FNIP1: variants seen among roughly 807,000 people sequenced by gnomAD.
The protein encoded by FNIP1 is folliculin interacting protein 1.
Under a neutral mutation model 124.5 loss-of-function variants are expected in FNIP1, and 40 were observed. The observed-to-expected ratio is 0.32, with a 90% CI of 0.25 to 0.42. FNIP1 has a LOEUF of 0.42. FNIP1 is among the 10% of genes least tolerant of loss of function. The probability of loss-of-function intolerance (pLI) is 1.00; values close to 1 mark genes in which losing one functional copy is unlikely to be tolerated. For synonymous variants in FNIP1, 472 were observed against 470.6 expected (o/e 1.00, Z -0.04); for missense variants, 1,176 against 1,403.7 (o/e 0.84, Z 2.59).
At chr5:131,734,944 C>A (rs1770236735) in intron 2 of FNIP1, among the ~76,000 whole-genome samples, 1 of 152,192 alleles carries the variant, frequency 6.6e-6, no homozygotes, top group African/African-American at 2.4e-5. Flanking sequence ...TTTGACCTAG[C>A]AATCCCATTA....
chr5:131,796,524 C>G (rs1772601392), intron 1 of FNIP1: 1 of 416,724 alleles, frequency 2.4e-6, no homozygotes, highest in Non-Finnish European at 4.3e-6. Context: ...CGTGTGGACC[C>G]AAAGTCTCAG....
In FNIP1 at chr5:131,713,851, C is replaced by A. The variant is rs529322802; in HGVS notation, c.622+2714G>T. 2.0e-5 allele frequency among the ~76,000 whole-genome samples: 3 copies of A among 152,292 alleles called. No homozygotes were observed. The South Asian group carries it at 6.2e-4, about 32-fold the overall frequency. On this transcript the variant is annotated intron_variant, in intron 6 of 17. Coordinates refer to ENST00000510461, the MANE Select transcript of FNIP1 (RefSeq NM_133372.3). ...ACTGACACTAATTTACTGTAGGTAA[C>A]ATTATCTGTCATTTGGAGTAACATG...
At chr5:131,713,348 G>A (rs953357286) in intron 6 of FNIP1, among the ~76,000 whole-genome samples, 5 of 152,042 alleles carry the variant, frequency 3.3e-5, no homozygotes, top group Admixed American at 6.6e-5. Context: ...GCCCGGCCTC[G>A]TACCCCTTCT....
chr5:131,753,628 C>G (rs528389259), intron 1 of FNIP1, among the ~76,000 whole-genome samples: 2 of 152,184 alleles, frequency 1.3e-5, no homozygotes, highest in South Asian at 4.1e-4. Flanking sequence ...AAGGAACTTT[C>G]CAGAGTGATC....
At chr5:131,687,453 A>G (rs950031218) in intron 11 of FNIP1, among the ~76,000 whole-genome samples, 1 of 152,198 alleles carries the variant, frequency 6.6e-6, no homozygotes, top group Non-Finnish European at 1.5e-5. Flanking sequence ...ACTTCAGTTC[A>G]ATGTATTCTT....
intron 1 of FNIP1, among the ~76,000 whole-genome samples, chr5:131,794,758 C>T (rs1772523312): frequency 6.6e-6 from 1 of 152,168 alleles, no homozygotes; most frequent in African/African-American, 2.4e-5. Context: ...GGTCACGCCA[C>T]TGTACTACAG....
At chr5:131,791,122 A>C (rs563896138) in intron 1 of FNIP1, among the ~76,000 whole-genome samples, 39 of 152,342 alleles carry the variant, frequency 2.6e-4, no homozygotes, top group African/African-American at 8.7e-4. Context: ...TGAACAGCTC[A>C]TTACCAATTA....
chr5:131,668,915 T>C (rs1423405136), intron 15 of FNIP1, among the ~76,000 whole-genome samples: 4 of 152,172 alleles, frequency 2.6e-5, no homozygotes, highest in Non-Finnish European at 5.9e-5. Context: ...GCAAAAAATA[T>C]ATACAATTTA....
intron 1 of FNIP1, among the ~76,000 whole-genome samples, chr5:131,779,411 G>C (rs991605700): frequency 6.6e-6 from 1 of 152,060 alleles, no homozygotes; most frequent in Non-Finnish European, 1.5e-5. Flanking sequence ...CGGGCATGGT[G>C]GCTTACGCCT....
intron 1 of FNIP1, among the ~76,000 whole-genome samples, chr5:131,751,832 G>T (rs563973276): frequency 6.6e-6 from 1 of 152,136 alleles, no homozygotes; most frequent in African/African-American, 2.4e-5. Context: ...CAATGTGTAC[G>T]AGGTTTCTTT....
At chr5:131,760,763 G>T (rs1231256190) in intron 1 of FNIP1, among the ~76,000 whole-genome samples, 2 of 152,018 alleles carry the variant, frequency 1.3e-5, no homozygotes, top group African/African-American at 4.8e-5. Context: ...ACATGGAATA[G>T]AAAAAGAGGA....
chr5:131,725,808 A>T (rs1390591559), intron 3 of FNIP1, among the ~76,000 whole-genome samples: 1 of 152,200 alleles, frequency 6.6e-6, no homozygotes, highest in Non-Finnish European at 1.5e-5. Context: ...GCGTTTGCCC[A>T]TTCGGGATGA....
At chr5:131,708,892 A>C (rs1769201363) in intron 8 of FNIP1, among the ~76,000 whole-genome samples, 1 of 148,200 alleles carries the variant, frequency 6.7e-6, no homozygotes. Context: ...AAATATAAGC[A>C]AACGTGTTTT....
intron 2 of FNIP1, among the ~76,000 whole-genome samples, chr5:131,736,126 AAGTC>A (rs1770296151): frequency 6.6e-6 from 1 of 152,144 alleles, no homozygotes; most frequent in Non-Finnish European, 1.5e-5. Flanking sequence ...AACATAATTG[AAGTC>A]AGGCACTTCA....
chr5:131,695,256 C>T (rs1026112313), intron 11 of FNIP1, among the ~76,000 whole-genome samples: 1 of 152,160 alleles, frequency 6.6e-6, no homozygotes, highest in Non-Finnish European at 1.5e-5. Context: ...AATTAAGTCT[C>T]TTCATTGTGT....
In FNIP1 at chr5:131,719,027, A is replaced by AAACACTTTGC. The variant is rs1422773064; in HGVS notation, c.479_488dup (p.Phe163LeufsTer22). 6.2e-7 allele frequency: 1 copy of AAACACTTTGC among 1,613,614 alleles called. No homozygotes were observed. The highest frequency in any genetic ancestry group is 8.5e-7 in the Non-Finnish European group (1 of 1,179,690). On this transcript the variant is annotated frameshift_variant, in exon 5 of 18. Transcript: ENST00000510461. LOFTEE classifies it high-confidence loss of function. ...AAATACTGCTGCCAGTCCGAGCAGT[A>AAACACTTTGC]AACACTTTGCTGAGCATGAGCTGTG...
chr5:131,758,035 A>G (rs1253640403), intron 1 of FNIP1, among the ~76,000 whole-genome samples: 1 of 152,222 alleles, frequency 6.6e-6, no homozygotes. Flanking sequence ...TTACCTTATA[A>G]TAGAAAGAAG....
chr5:131,702,932 T>A (rs539809115), intron 10 of FNIP1, among the ~76,000 whole-genome samples: 1 of 152,340 alleles, frequency 6.6e-6, no homozygotes, highest in South Asian at 2.1e-4. Flanking sequence ...CAACTCAGGC[T>A]TACCATTGCC....
intron 1 of FNIP1, among the ~76,000 whole-genome samples, chr5:131,750,345 T>A (rs1337205040): frequency 6.6e-6 from 1 of 151,940 alleles, no homozygotes. Context: ...GGACAAGGAA[T>A]AGGAGGCTAT....
Sources: gnomAD v4.1 joint callset for allele counts (sites outside exome capture counted in the v4.1 genomes callset) on GRCh38, gnomAD v4.1.1 for gene constraint, MANE v1.5 for transcripts, NCBI Gene and HGNC (gene_info 2026-07-23, HGNC 2026-07-21) for gene names.